Variants in KATNAL1 observed in about 807,000 individuals in gnomAD.
KATNAL1 encodes the protein katanin catalytic subunit A1 like 1.
Under a neutral mutation model 55.2 loss-of-function variants are expected in KATNAL1, and 32 were observed. The observed-to-expected ratio is 0.58, with a 90% CI of 0.44 to 0.78. The LOEUF is 0.78. Ranked by LOEUF, KATNAL1 falls within the 30% of genes least tolerant of loss-of-function variation. KATNAL1 has a pLI of 0.00. For synonymous variants in KATNAL1, 193 were observed against 193.6 expected, an observed-to-expected ratio of 1.00 and a Z score of 0.02; for missense variants, 466 against 600.9, an observed-to-expected ratio of 0.78 and a Z score of 2.35.
At chr13:30,293,912 C>T (rs1882304671) in intron 1 of KATNAL1, among the ~76,000 whole-genome samples, 1 of 152,200 alleles carries the variant, frequency 6.6e-6, no homozygotes, top group Non-Finnish European at 1.5e-5. Context: ...TTCCAAACTT[C>T]TCCATTTTTA....
chr13:30,272,909 T>C (rs1199211500), intron 3 of KATNAL1, among the ~76,000 whole-genome samples: 3 of 152,184 alleles, frequency 2.0e-5, no homozygotes, highest in African/African-American at 7.2e-5. Context: ...ATTTTTCTCC[T>C]TGCTGAAATG....
intron 1 of KATNAL1, among the ~76,000 whole-genome samples, chr13:30,289,043 T>C (rs1881972116): frequency 6.6e-6 from 1 of 152,258 alleles, no homozygotes; most frequent in Non-Finnish European, 1.5e-5. Flanking sequence ...CCATCAGTTA[T>C]AACACATCTT....
At chr13:30,259,383 T>C (rs1184870133) in intron 3 of KATNAL1, among the ~76,000 whole-genome samples, 2 of 150,622 alleles carry the variant, frequency 1.3e-5, no homozygotes, top group Non-Finnish European at 3.0e-5. Flanking sequence ...GATGGCCCAA[T>C]AGGAACAGCT....
chr13:30,209,790 TTTC>T (rs1165746263), intron 10 of KATNAL1, among the ~76,000 whole-genome samples: 1 of 152,228 alleles, frequency 6.6e-6, no homozygotes, highest in East Asian at 1.9e-4. Flanking sequence ...TTTCTTTTTT[TTTC>T]TTTTTTGAGA....
At position 30,208,583 on chromosome 13, in the gene KATNAL1, A is replaced by T. The variant is rs1566080711; in HGVS notation, c.1430T>A (p.Leu477Ter). The part of the protein sequence containing the change: ...KIAKSVSAAD[L>*]EKYEKWMVEF... ...AACCATCCATTTTTCATACTTCTCC[A>T]AGTCTGCAGCAGAGACAGACTTAGC... is the stretch of plus-strand genomic sequence containing the variant. The change falls in exon 11 of 11, where the codon TTG becomes TAG. Residue 477 changes from leucine (L) to a stop codon, truncating the protein, a stop_gained. Coordinates refer to ENST00000380615, the MANE Select transcript of KATNAL1 (RefSeq NM_032116.5). LOFTEE classifies it high-confidence loss of function. 1.2e-6 allele frequency: 2 copies of T among 1,610,438 alleles called. No individual in the cohort carries two copies. The highest frequency in any genetic ancestry group is 1.7e-6 in the Non-Finnish European group (2 of 1,178,282).
intron 4 of KATNAL1, among the ~76,000 whole-genome samples, chr13:30,245,845 G>A (rs1877739303): frequency 6.6e-6 from 1 of 152,112 alleles, no homozygotes; most frequent in Non-Finnish European, 1.5e-5. Flanking sequence ...TACAAGGGAT[G>A]TGTAGGACCT....
At chr13:30,288,808 T>C (rs1363718404) in intron 1 of KATNAL1, among the ~76,000 whole-genome samples, 1 of 152,244 alleles carries the variant, frequency 6.6e-6, no homozygotes, top group Non-Finnish European at 1.5e-5. Context: ...CAAGTGAGAA[T>C]ATTCAGCTTC....
At chr13:30,213,435 C>A (rs1192928853) in intron 9 of KATNAL1, among the ~76,000 whole-genome samples, 1 of 152,004 alleles carries the variant, frequency 6.6e-6, no homozygotes, top group African/African-American at 2.4e-5. Flanking sequence ...AGGCCAGCAT[C>A]ATCCTGATAC....
chr13:30,254,527 A>C (rs943092273), intron 4 of KATNAL1, among the ~76,000 whole-genome samples: 1 of 152,224 alleles, frequency 6.6e-6, no homozygotes, highest in Admixed American at 6.5e-5. Context: ...TATTATGGCT[A>C]TAAGACCTAG....
chr13:30,203,698 T>C lies in KATNAL1; in HGVS notation c.*4842A>G, dbSNP rs1000148475. On this transcript the variant is annotated 3_prime_UTR_variant, in exon 11 of 11. Coordinates refer to ENST00000380615, the MANE Select transcript of KATNAL1 (RefSeq NM_032116.5). ...TACCTAAATATTTTTCCTGTTTTTA[T>C]TAATAAGTCACTGGGAATTTAGAAA... 9.2e-5 allele frequency: 14 copies of C among 152,152 alleles called. No homozygotes were observed. Among genetic ancestry groups the C allele is most frequent in the Non-Finnish European group, 1.6e-4 (11 of 68,022 alleles). 9.4% of individuals were successfully genotyped at this position (152,152 alleles called of 1,614,324 possible). A position where few individuals can be genotyped will look rare whatever the true frequency, so the allele number is the denominator to read the frequency against.
At chr13:30,302,710 AGAGT>A (rs762124649) in intron 1 of KATNAL1, among the ~76,000 whole-genome samples, 8 of 152,232 alleles carry the variant, frequency 5.3e-5, no homozygotes, top group Non-Finnish European at 7.3e-5. Context: ...AAAAAACACA[AGAGT>A]GAGTATACCA....
At chr13:30,216,012 C>T (rs765842630) in intron 9 of KATNAL1, among the ~76,000 whole-genome samples, 17 of 152,038 alleles carry the variant, frequency 1.1e-4, no homozygotes, top group Non-Finnish European at 2.2e-4. Context: ...CCCTAGCAAA[C>T]GAATATGACA....
intron 6 of KATNAL1, among the ~76,000 whole-genome samples, chr13:30,232,711 ATATT>A (rs1876228000): frequency 6.6e-6 from 1 of 152,148 alleles, no homozygotes; most frequent in South Asian, 2.1e-4. Flanking sequence ...CTACTGTACG[ATATT>A]TATAAACTTC....
intron 4 of KATNAL1, among the ~76,000 whole-genome samples, chr13:30,243,122 A>G (rs1877438342): frequency 6.6e-6 from 1 of 152,218 alleles, no homozygotes; most frequent in Non-Finnish European, 1.5e-5. Flanking sequence ...TGAGTTGACT[A>G]AGGTCAACAT....
chr13:30,299,471 A>G (rs1201966493), intron 1 of KATNAL1, among the ~76,000 whole-genome samples: 4 of 146,428 alleles, frequency 2.7e-5, no homozygotes, highest in Admixed American at 6.6e-5. Flanking sequence ...TTTTCCTCTG[A>G]AAAAAAGAAA....
At chr13:30,295,382 A>G (rs9579553) in intron 1 of KATNAL1, among the ~76,000 whole-genome samples, 32,815 of 152,168 alleles carry the variant, frequency 0.22, 3,750 homozygotes, top group East Asian at 0.3. Context: ...ATTGGAGGAA[A>G]TCACTGCAGA....
At chr13:30,255,662 T>C in intron 3 of KATNAL1, 47 bp from the exon 4 acceptor site, 1 of 1,337,970 alleles carries the variant, frequency 7.5e-7, no homozygotes, top group Non-Finnish European at 9.6e-7. Flanking sequence ...TTAAAATTAA[T>C]CAAAGGCAAA....
At chr13:30,261,915 A>AT (rs1040787211) in intron 3 of KATNAL1, among the ~76,000 whole-genome samples, 3 of 151,952 alleles carry the variant, frequency 2.0e-5, no homozygotes, top group African/African-American at 7.3e-5. Context: ...CAGAATATAC[A>AT]TTTTTTTCAG....
intron 9 of KATNAL1, among the ~76,000 whole-genome samples, chr13:30,214,457 G>A (rs867518384): frequency 0.037 from 5,668 of 151,766 alleles, 139 homozygotes; most frequent in African/African-American, 0.06. Flanking sequence ...AAGAGCCCAC[G>A]TCGCCAAGTC....
Sources: allele counts gnomAD v4.1 joint callset (sites outside exome capture counted in the v4.1 genomes callset), GRCh38; gene constraint gnomAD v4.1.1; transcripts MANE v1.5; gene names NCBI Gene and HGNC (gene_info 2026-07-23, HGNC 2026-07-21).